XKR4: variants seen among roughly 807,000 people sequenced by gnomAD.
XKR4 encodes XK related 4.
Under a neutral mutation model 53.9 loss-of-function variants are expected in XKR4, and 12 were observed. That is an observed-to-expected ratio of 0.22 (90% CI 0.14 to 0.36). The LOEUF is 0.36. XKR4 is among the 10% of genes least tolerant of loss of function. XKR4 has a pLI of 1.00. For missense variants in XKR4, 799 were observed against 859.5 expected (o/e 0.93, Z 0.88); for synonymous variants, 354 against 362.4 (o/e 0.98, Z 0.26).
At chr8:55,507,832 G>A (rs889611773) in intron 2 of XKR4, among the ~76,000 whole-genome samples, 10 of 152,022 alleles carry the variant, frequency 6.6e-5, no homozygotes, top group South Asian at 2.1e-4. Flanking sequence ...TCTTTATAGC[G>A]GCATGATTTA....
intron 1 of XKR4, among the ~76,000 whole-genome samples, chr8:55,156,064 T>C (rs1405569910): frequency 6.6e-6 from 1 of 151,944 alleles, no homozygotes; most frequent in Non-Finnish European, 1.5e-5. Context: ...GTAAGACATA[T>C]GAGATACAAG....
intron 2 of XKR4, among the ~76,000 whole-genome samples, chr8:55,425,215 T>C (rs912140272): frequency 2.0e-5 from 3 of 152,236 alleles, no homozygotes; most frequent in Admixed American, 6.5e-5. Flanking sequence ...CACAGTTGGC[T>C]TAGACCTAGA....
chr8:55,127,652 A>T (rs1232952923), intron 1 of XKR4, among the ~76,000 whole-genome samples: 1 of 151,386 alleles, frequency 6.6e-6, no homozygotes, highest in Non-Finnish European at 1.5e-5. Flanking sequence ...TACATATGTA[A>T]ACATGTGCCA....
In XKR4 at chr8:55,262,698, G is replaced by A. The variant is rs374678535; in HGVS notation, c.807-94980G>A. On this transcript the variant is annotated intron_variant, in intron 1 of 2. Coordinates refer to ENST00000327381, the MANE Select transcript of XKR4 (RefSeq NM_052898.2). ...GCTTCCAGAGCTGAGAGAGGTAAAC[G>A]TCTCTTGTTTAAGCCACACACCCTG... 2.4e-4 allele frequency among the ~76,000 whole-genome samples: 37 copies of A among 152,302 alleles called. 1 individual carries two copies. Among genetic ancestry groups the A allele is most frequent in the Middle Eastern group, 6.8e-3 (2 of 294 alleles).
chr8:55,347,792 T>C (rs746260249), intron 1 of XKR4, among the ~76,000 whole-genome samples: 1 of 152,186 alleles, frequency 6.6e-6, no homozygotes, highest in Non-Finnish European at 1.5e-5. Flanking sequence ...GCCTTGAAAC[T>C]TTTTTCTGCC....
At chr8:55,219,139 G>A (rs1298732751) in intron 1 of XKR4, among the ~76,000 whole-genome samples, 1 of 152,060 alleles carries the variant, frequency 6.6e-6, no homozygotes, top group Non-Finnish European at 1.5e-5. Flanking sequence ...GCAATCAGGT[G>A]CTCAGTTCTC....
intron 2 of XKR4, among the ~76,000 whole-genome samples, chr8:55,490,641 TG>T (rs1806257673): frequency 6.6e-6 from 1 of 152,362 alleles, no homozygotes; most frequent in Admixed American, 6.5e-5. Flanking sequence ...GCTGTTTCAT[TG>T]TCTCCTGGCT....
At chr8:55,171,169 A>T (rs925055444) in intron 1 of XKR4, among the ~76,000 whole-genome samples, 2 of 152,226 alleles carry the variant, frequency 1.3e-5, no homozygotes, top group Non-Finnish European at 2.9e-5. Flanking sequence ...AGTGAAGATG[A>T]TTTTCAGTAC....
chr8:55,441,576 A>G (rs1674347991), intron 2 of XKR4, among the ~76,000 whole-genome samples: 1 of 152,226 alleles, frequency 6.6e-6, no homozygotes, highest in African/African-American at 2.4e-5. Context: ...TAATGCATGG[A>G]TCATTTATGA....
intron 1 of XKR4, among the ~76,000 whole-genome samples, chr8:55,301,866 T>A (rs1023128755): frequency 6.6e-6 from 1 of 152,200 alleles, no homozygotes; most frequent in African/African-American, 2.4e-5. Context: ...TTGTAAATTG[T>A]TTGAGTTCAT....
At chr8:55,168,628 C>G (rs1817104156) in intron 1 of XKR4, among the ~76,000 whole-genome samples, 1 of 152,136 alleles carries the variant, frequency 6.6e-6, no homozygotes, top group Non-Finnish European at 1.5e-5. Flanking sequence ...TAGTTTTTCA[C>G]TCTCTTGTTG....
At chr8:55,247,603 AC>A (rs1166992216) in intron 1 of XKR4, among the ~76,000 whole-genome samples, 2 of 152,258 alleles carry the variant, frequency 1.3e-5, no homozygotes, top group East Asian at 3.9e-4. Flanking sequence ...TTCTCTTGAT[AC>A]AAAAAATGTT....
At chr8:55,201,498 T>C (rs965951017) in intron 1 of XKR4, among the ~76,000 whole-genome samples, 2 of 152,126 alleles carry the variant, frequency 1.3e-5, no homozygotes, top group Non-Finnish European at 2.9e-5. Flanking sequence ...TCTGGGAAAA[T>C]TGAGACCCAG....
intron 2 of XKR4, among the ~76,000 whole-genome samples, chr8:55,472,874 T>C (rs1805911607): frequency 6.6e-6 from 1 of 152,092 alleles, no homozygotes; most frequent in African/African-American, 2.4e-5. Flanking sequence ...ACAGAAGCGT[T>C]GTCTTATGTT....
intron 2 of XKR4, among the ~76,000 whole-genome samples, chr8:55,475,976 G>A (rs1805978299): frequency 6.6e-6 from 1 of 151,944 alleles, no homozygotes; most frequent in South Asian, 2.1e-4. Flanking sequence ...GAACTCCTTG[G>A]CTCAAGTGAT....
At chr8:55,124,351 C>T (rs1033599080) in intron 1 of XKR4, among the ~76,000 whole-genome samples, 8 of 152,318 alleles carry the variant, frequency 5.3e-5, no homozygotes, top group African/African-American at 1.7e-4. Flanking sequence ...CTGGTTCATA[C>T]AGAGTAAACA....
Position 55,541,626 on chromosome 8 carries a change from G to T in XKR4, c.*17399G>T, listed in dbSNP as rs1484048268. ...GGTGTAGACATTTCCCCCAGTATGA[G>T]CACAGTGCCTGGACCTGAATGATCA... On this transcript the variant is annotated 3_prime_UTR_variant, in exon 3 of 3. Transcript: ENST00000327381. 1 of 152,164 alleles carries T rather than the reference G, an allele frequency of 6.6e-6. No homozygotes were observed. The highest frequency in any genetic ancestry group is 2.4e-5 in the African/African-American group (1 of 41,452). The allele number at this position is 152,164 out of a possible 1,614,324, so 9.4% of individuals were successfully genotyped here.
chr8:55,393,733 A>T (rs1441698589), intron 2 of XKR4, among the ~76,000 whole-genome samples: 1 of 152,214 alleles, frequency 6.6e-6, no homozygotes, highest in African/African-American at 2.4e-5. Flanking sequence ...TTTCAGCTGA[A>T]AATCCTAAAC....
chr8:55,171,551 G>A (rs1384603992), intron 1 of XKR4, among the ~76,000 whole-genome samples: 1 of 152,156 alleles, frequency 6.6e-6, no homozygotes, highest in African/African-American at 2.4e-5. Context: ...CCTCTGGAGA[G>A]TTGCCTAATG....
Sources: allele counts gnomAD v4.1 joint callset (sites outside exome capture counted in the v4.1 genomes callset), GRCh38; gene constraint gnomAD v4.1.1; transcripts MANE v1.5; gene names NCBI Gene and HGNC (gene_info 2026-07-23, HGNC 2026-07-21).